The following MYO16 variants were observed in gnomAD, a reference collection of about 807,000 sequenced individuals.
MYO16 encodes the protein unconventional myosin-XVI.
In MYO16, 94 loss-of-function variants were observed where a neutral mutation model predicts 205.3. The observed-to-expected ratio is 0.46, with a 90% CI of 0.39 to 0.54. MYO16 has a LOEUF of 0.54. Ranked by LOEUF, MYO16 falls within the 20% of genes least tolerant of loss-of-function variation. MYO16 has a pLI of 0.00. For synonymous variants in MYO16, 988 were observed against 954.0 expected, an observed-to-expected ratio of 1.04 and a Z score of -0.66; for missense variants, 2,315 against 2,387.5, an observed-to-expected ratio of 0.97 and a Z score of 0.63.
the MYO16 span, among the ~76,000 whole-genome samples, chr13:108,524,350 T>C: frequency 2.6e-5 from 4 of 151,830 alleles, no homozygotes; most frequent in African/African-American, 9.7e-5. Context: ...ATAAAGTGTG[T>C]GGCACTTCCC....
chr13:108,872,519 GAC>G lies in MYO16; in HGVS notation c.1425+6279_1425+6280del, dbSNP rs751732647. On this transcript the variant is annotated intron_variant, in intron 12 of 34. Coordinates refer to ENST00000457511, the MANE Select transcript of MYO16 (RefSeq NM_001198950.3). Reference sequence around the variant, plus strand: ...AGAGAAAAGGAGAAACACATTAAGAGACATATTTGTTTATTAATGTAAGAATA... The same window carrying G: ...AGAGAAAAGGAGAAACACATTAAGAGATATTTGTTTATTAATGTAAGAATA... Among the ~76,000 whole-genome samples, 54 of 151,954 alleles carry G rather than the reference GAC, an allele frequency of 3.6e-4. 1 individual carries two copies. The highest frequency in any genetic ancestry group is 1.0e-3 in the African/African-American group (42 of 41,498).
intron 1 of MYO16, among the ~76,000 whole-genome samples, chr13:108,619,759 C>T (rs78047384): frequency 0.033 from 5,075 of 152,188 alleles, 269 homozygotes; most frequent in African/African-American, 0.11. Flanking sequence ...CTTCTCCTCT[C>T]CAGATGTCTC....
the MYO16 span, among the ~76,000 whole-genome samples, chr13:108,516,976 G>T: frequency 6.6e-6 from 1 of 151,900 alleles, no homozygotes; most frequent in African/African-American, 2.4e-5. Context: ...TGTTTCCCAG[G>T]CTGTAGTGCA....
intron 4 of MYO16, among the ~76,000 whole-genome samples, chr13:108,735,787 C>A (rs1255607588): frequency 6.6e-6 from 1 of 151,688 alleles, no homozygotes; most frequent in South Asian, 2.1e-4. Context: ...TATTTCTCCA[C>A]ATCCTCTCCA....
chr13:108,965,701 C>T (rs1411104165), intron 20 of MYO16, among the ~76,000 whole-genome samples: 2 of 152,146 alleles, frequency 1.3e-5, no homozygotes, highest in Admixed American at 6.5e-5. Context: ...CCACTGCGCC[C>T]GGCCCCTAAA....
rs1271328367 is a variant in MYO16, at chr13:109,185,735, C to G, written c.5415+6102C>G. On this transcript the variant is annotated intron_variant, in intron 34 of 34. Transcript: ENST00000457511. The stretch of plus-strand genomic sequence containing the variant: ...CATGTATCCTAGCTCTCAATCTCAT[C>G]CCTGCCTACCACACCAGAAGTGAAT... 2.0e-5 allele frequency among the ~76,000 whole-genome samples: 3 copies of G among 152,310 alleles called. No individual in the cohort carries two copies. The East Asian group carries it at 5.8e-4, about 29-fold the overall frequency.
At chr13:108,516,500 AG>A in the MYO16 span, among the ~76,000 whole-genome samples, 1 of 152,180 alleles carries the variant, frequency 6.6e-6, no homozygotes, top group Non-Finnish European at 1.5e-5. Flanking sequence ...TGGCTCGGGA[AG>A]TGATAGTTAA....
intron 9 of MYO16, among the ~76,000 whole-genome samples, chr13:108,838,723 C>T (rs561076451): frequency 1.7e-3 from 243 of 141,262 alleles, no homozygotes; most frequent in African/African-American, 5.9e-3. Flanking sequence ...TACATATACA[C>T]GCACACTATA....
At chr13:108,781,881 T>C (rs1886315179) in intron 4 of MYO16, among the ~76,000 whole-genome samples, 1 of 152,180 alleles carries the variant, frequency 6.6e-6, no homozygotes, top group Non-Finnish European at 1.5e-5. Context: ...ACCACTGCCA[T>C]GTAAGAAGAG....
chr13:109,091,767 T>C (rs1479974641), intron 27 of MYO16, among the ~76,000 whole-genome samples: 1 of 152,226 alleles, frequency 6.6e-6, no homozygotes, highest in Non-Finnish European at 1.5e-5. Flanking sequence ...TTTTTCTCCT[T>C]TAGTTTTTCT....
intron 23 of MYO16, among the ~76,000 whole-genome samples, chr13:109,040,505 G>C (rs763804426): frequency 2.0e-5 from 3 of 151,758 alleles, no homozygotes; most frequent in Non-Finnish European, 4.4e-5. Flanking sequence ...TATATAAAAA[G>C]AACGGTTTTG....
At chr13:108,782,612 T>C (rs1311923765) in intron 4 of MYO16, among the ~76,000 whole-genome samples, 1 of 152,204 alleles carries the variant, frequency 6.6e-6, no homozygotes, top group Non-Finnish European at 1.5e-5. Context: ...CTCCAGGCCA[T>C]GTCAGAGACC....
chr13:109,044,056 C>T (rs1179636269), intron 23 of MYO16, among the ~76,000 whole-genome samples: 1 of 151,918 alleles, frequency 6.6e-6, no homozygotes, highest in Non-Finnish European at 1.5e-5. Context: ...GAATTTGTGG[C>T]AGATGCAAAT....
chr13:108,933,740 C>T (rs770935387), intron 16 of MYO16, among the ~76,000 whole-genome samples: 1 of 152,086 alleles, frequency 6.6e-6, no homozygotes, highest in Non-Finnish European at 1.5e-5. Flanking sequence ...TTTTTCAGCT[C>T]TTTCCCCTAT....
At chr13:109,019,281 C>T (rs938810019) in intron 22 of MYO16, among the ~76,000 whole-genome samples, 1 of 152,168 alleles carries the variant, frequency 6.6e-6, no homozygotes, top group Admixed American at 6.5e-5. Context: ...ACCAGCTTTG[C>T]CATAATTTTT....
rs1169529011 is a variant in MYO16 at position 109,024,344 on chromosome 13, G to T, written c.2796+4433G>T. ...CATGGAAGTGACTGTAAGCGGATAT[G>T]TACTTGATGTGCCTTCTGAGTCTGT... On this transcript the variant is annotated intron_variant, in intron 23 of 34. Coordinates refer to ENST00000457511, the MANE Select transcript of MYO16 (RefSeq NM_001198950.3). Among the ~76,000 whole-genome samples, 13 of 152,038 alleles carry T rather than the reference G, an allele frequency of 8.6e-5. No homozygotes were observed. In the Middle Eastern group the frequency reaches 0.014, roughly 160 times the overall value.
At chr13:109,151,357 T>C (rs1877652543) in intron 32 of MYO16, among the ~76,000 whole-genome samples, 1 of 152,206 alleles carries the variant, frequency 6.6e-6, no homozygotes, top group Admixed American at 6.5e-5. Flanking sequence ...TAGTGGCCAT[T>C]TGCAAATTTA....
chr13:108,880,950 G>A (rs916940491), intron 12 of MYO16, among the ~76,000 whole-genome samples: 1 of 152,134 alleles, frequency 6.6e-6, no homozygotes, highest in Non-Finnish European at 1.5e-5. Flanking sequence ...AAATTACCTT[G>A]GGCATGGAGT....
In MYO16 at chr13:108,925,896, T is replaced by G. The variant is rs1881977011; in HGVS notation, c.1925+15746T>G. ...GAAGTCTGATCCTCTCACTGACCCC[T>G]TCCTGCCCCCATTAAAGGCTTCCAG... On this transcript the variant is annotated intron_variant, in intron 16 of 34. Coordinates refer to ENST00000457511, the MANE Select transcript of MYO16 (RefSeq NM_001198950.3). Among the ~76,000 whole-genome samples, 8 of 152,168 alleles carry G rather than the reference T, an allele frequency of 5.3e-5. No individual in the cohort carries two copies. In the South Asian group the frequency reaches 1.7e-3, roughly 31 times the overall value.
Sources: gnomAD v4.1 joint callset for allele counts (sites outside exome capture counted in the v4.1 genomes callset) on GRCh38, gnomAD v4.1.1 for gene constraint, MANE v1.5 for transcripts, NCBI Gene and HGNC (gene_info 2026-07-23, HGNC 2026-07-21) for gene names.